Variants in ANKFN1 observed in about 807,000 individuals in gnomAD.
ANKFN1 encodes the protein ankyrin repeat and fibronectin type III domain containing 1.
Under a neutral mutation model 108.7 loss-of-function variants are expected in ANKFN1, and 74 were observed. That is an observed-to-expected ratio of 0.68 (90% confidence interval 0.56 to 0.83). ANKFN1 has a LOEUF of 0.83. ANKFN1 is among the 40% of genes least tolerant of loss of function. The pLI is 0.00. For missense variants in ANKFN1, 1,505 were observed against 1,382.3 expected (o/e 1.09, Z -1.41); for synonymous variants, 547 against 516.2 (o/e 1.06, Z -0.81).
At chr17:56,481,575 C>A (rs1487664753) in intron 17 of ANKFN1, among the ~76,000 whole-genome samples, 1 of 152,020 alleles carries the variant, frequency 6.6e-6, no homozygotes, top group African/African-American at 2.4e-5. Flanking sequence ...AGAGGAGCGA[C>A]TGGCTCTCTT....
intron 19 of ANKFN1, among the ~76,000 whole-genome samples, chr17:56,494,934 A>G (rs919222364): frequency 1.3e-5 from 2 of 152,016 alleles, no homozygotes; most frequent in Non-Finnish European, 2.9e-5. Flanking sequence ...CTCCCTGACT[A>G]CTACCCTTGC....
At chr17:56,378,237 G>A (rs897160284) in intron 8 of ANKFN1, among the ~76,000 whole-genome samples, 3 of 152,130 alleles carry the variant, frequency 2.0e-5, no homozygotes, top group East Asian at 1.9e-4. Context: ...CCAGGGCGGT[G>A]TATGAGGGGA....
At chr17:56,212,708 C>T (rs1325387914) in intron 2 of ANKFN1, among the ~76,000 whole-genome samples, 29 bp downstream of exon 2, 1 of 152,138 alleles carries the variant, frequency 6.6e-6, no homozygotes, top group African/African-American at 2.4e-5. Flanking sequence ...CTCCTTGAGC[C>T]TATGCAACTC....
chr17:56,106,741 T>C (rs539907189), intron 4 of ANKFN1, among the ~76,000 whole-genome samples: 1 of 152,280 alleles, frequency 6.6e-6, no homozygotes, highest in East Asian at 1.9e-4. Flanking sequence ...TTGAAGGCCG[T>C]CCAGTCCTAC....
chr17:56,335,303 C>T (rs2045776496), intron 4 of ANKFN1, among the ~76,000 whole-genome samples: 1 of 151,978 alleles, frequency 6.6e-6, no homozygotes, highest in Non-Finnish European at 1.5e-5. Flanking sequence ...TATAAATTAC[C>T]TTGGGCAGTA....
At chr17:56,098,147 C>T (rs1301878769) in intron 4 of ANKFN1, among the ~76,000 whole-genome samples, 4 of 152,078 alleles carry the variant, frequency 2.6e-5, no homozygotes, top group Admixed American at 2.6e-4. Flanking sequence ...GAATTGCTGA[C>T]AGCTGCCAGA....
At chr17:56,239,787 C>A (rs1396136748) in intron 3 of ANKFN1, among the ~76,000 whole-genome samples, 3 of 152,104 alleles carry the variant, frequency 2.0e-5, no homozygotes, top group Admixed American at 1.3e-4. Flanking sequence ...TGGCAGGCTA[C>A]TGGTCAGCAT....
In ANKFN1 at chr17:56,501,540, G is replaced by A. The variant is rs141151703; in HGVS notation, c.2644+2442G>A. Among the ~76,000 whole-genome samples, 37 of 152,238 alleles carry A rather than the reference G, an allele frequency of 2.4e-4. 1 individual carries two copies. Among genetic ancestry groups the A allele is most frequent in the East Asian group, 1.7e-3 (9 of 5,192 alleles). On this transcript the variant is annotated intron_variant, in intron 20 of 20. Coordinates refer to ENST00000682825, the MANE Select transcript of ANKFN1 (RefSeq NM_001370326.1). ...GGGTGGTTGGGCATGTTGAATTTGC[G>A]TTGGCTTTGGAACATTCCGTAAAAA...
At chr17:56,283,512 TAAAG>T (rs1823606642) in intron 3 of ANKFN1, among the ~76,000 whole-genome samples, 1 of 149,520 alleles carries the variant, frequency 6.7e-6, no homozygotes, top group Non-Finnish European at 1.5e-5. Context: ...AACAAATGGA[TAAAG>T]AAACTGTGAT....
chr17:56,501,414 T>C (rs2051365447), intron 20 of ANKFN1, among the ~76,000 whole-genome samples: 1 of 152,100 alleles, frequency 6.6e-6, no homozygotes, highest in African/African-American at 2.4e-5. Flanking sequence ...ACTTAGAAAG[T>C]TATTAACAAA....
At chr17:56,206,188 T>C in intron 1 of ANKFN1, among the ~76,000 whole-genome samples, 1 of 152,196 alleles carries the variant, frequency 6.6e-6, no homozygotes, top group East Asian at 1.9e-4. Context: ...TTCAGTGTAT[T>C]TCCATTTATA....
chr17:56,513,041 T>C lies in ANKFN1; in HGVS notation c.*1772T>C, dbSNP rs1383360137. Among the ~76,000 whole-genome samples the C allele has an allele frequency of 6.6e-6, 1 of 152,218 alleles. No individual in the cohort carries two copies. The highest frequency in any genetic ancestry group is 6.5e-5 in the Admixed American group (1 of 15,284). On this transcript the variant is annotated 3_prime_UTR_variant, in exon 21 of 21. Transcript: ENST00000682825. ...TAGAACTAGACGGGCCCATAAAATTTATCTAAGTCCGTGGGTTTGCAGGTA... is the reference window on the plus strand; with the variant it reads ...TAGAACTAGACGGGCCCATAAAATTCATCTAAGTCCGTGGGTTTGCAGGTA...
chr17:56,228,592 A>C (rs1292342097), intron 3 of ANKFN1: 1 of 151,658 alleles, frequency 6.6e-6, no homozygotes, highest in African/African-American at 2.4e-5. Flanking sequence ...TTTCTTTTTT[A>C]ATGAAATGAA....
intron 4 of ANKFN1, among the ~76,000 whole-genome samples, chr17:56,102,010 T>C (rs1905656701): frequency 6.6e-6 from 1 of 152,216 alleles, no homozygotes; most frequent in Admixed American, 6.5e-5. Context: ...GTTTCAGCCA[T>C]TTAAAATGAT....
intron 4 of ANKFN1, among the ~76,000 whole-genome samples, chr17:56,085,973 C>T (rs766440204): frequency 1.3e-5 from 2 of 150,610 alleles, no homozygotes; most frequent in Non-Finnish European, 3.0e-5. Flanking sequence ...ATGTGAAGAA[C>T]CTACAAGGTG....
At chr17:56,309,886 A>T (rs543128025) in intron 3 of ANKFN1, among the ~76,000 whole-genome samples, 119 of 152,242 alleles carry the variant, frequency 7.8e-4, no homozygotes, top group African/African-American at 2.5e-3. Flanking sequence ...TCTTCTTGTG[A>T]TGATGTGAGA....
intron 18 of ANKFN1, among the ~76,000 whole-genome samples, chr17:56,486,237 A>T (rs1359073849): frequency 6.6e-6 from 1 of 152,166 alleles, no homozygotes; most frequent in Non-Finnish European, 1.5e-5. Flanking sequence ...ATCATTGGTA[A>T]TCCAACTGAT....
chr17:56,397,701 G>A (rs1035391262), intron 8 of ANKFN1, among the ~76,000 whole-genome samples: 1 of 152,162 alleles, frequency 6.6e-6, no homozygotes, highest in South Asian at 2.1e-4. Flanking sequence ...ACCTGGGAAG[G>A]ATGAGGTCAT....
intron 4 of ANKFN1, among the ~76,000 whole-genome samples, chr17:56,145,498 A>T (rs1057163986): frequency 1.3e-5 from 2 of 152,172 alleles, no homozygotes; most frequent in African/African-American, 4.8e-5. Context: ...GAGCAGCAGG[A>T]TTGAGTGTCA....
Sources: allele counts gnomAD v4.1 joint callset (sites outside exome capture counted in the v4.1 genomes callset), GRCh38; gene constraint gnomAD v4.1.1; transcripts MANE v1.5; gene names NCBI Gene and HGNC (gene_info 2026-07-23, HGNC 2026-07-21).